Variants in CYRIB observed in about 807,000 individuals in gnomAD.
CYRIB encodes the protein CYFIP-related Rac1 interactor B.
A neutral mutation model predicts 44.2 loss-of-function variants in CYRIB; 8 were observed. The observed-to-expected ratio is 0.18, with a 90% CI of 0.11 to 0.33. The LOEUF (loss-of-function observed/expected upper bound fraction) is 0.33, where lower values mean the gene tolerates loss of function less well. Ranked by LOEUF, CYRIB falls within the 10% of genes least tolerant of loss-of-function variation. The pLI is 1.00. For missense variants in CYRIB, 185 were observed against 382.8 expected (o/e 0.48, Z 4.31); for synonymous variants, 131 against 127.2 (o/e 1.03, Z -0.20).
At chr8:129,943,079 A>ACCACCCACCCCC (rs1554688082), upstream of CYRIB, among the ~76,000 whole-genome samples, 6 of 113,120 alleles carry the variant, frequency 5.3e-5, no homozygotes, top group East Asian at 2.3e-4. Flanking sequence ...ACATTTTTGC[A>ACCACCCACCCCC]CCGCCCACCC....
At chr8:129,984,676 C>T (rs569083943) in intron 1 of CYRIB, among the ~76,000 whole-genome samples, 1 of 152,322 alleles carries the variant, frequency 6.6e-6, no homozygotes, top group East Asian at 1.9e-4. Flanking sequence ...ATTGCACACG[C>T]TAGGGCTTTA....
At chr8:129,974,984 A>T (rs2095856742) in intron 1 of CYRIB, among the ~76,000 whole-genome samples, 1 of 151,196 alleles carries the variant, frequency 6.6e-6, no homozygotes, top group African/African-American at 2.4e-5. Context: ...GGTTCAAGAG[A>T]TTCTTCTGCC....
chr8:130,004,188 G>C (rs2096976573), intron 1 of CYRIB, among the ~76,000 whole-genome samples: 1 of 152,096 alleles, frequency 6.6e-6, no homozygotes, highest in Non-Finnish European at 1.5e-5. Context: ...ACCCCCACTG[G>C]GTATCAAGAC....
rs760619852 is a variant in CYRIB, at chr8:129,873,030, T to C, written c.74-1534A>G. ...TAAACCTGCCAAATAGTCAAAAATA[T>C]ACCACATTTTTTTTAAAATTCAATA... is the stretch of plus-strand genomic sequence containing the variant. On this transcript the variant is annotated intron_variant, in intron 3 of 11. Transcript: ENST00000519824. 1.3e-3 allele frequency among the ~76,000 whole-genome samples: 197 copies of C among 151,988 alleles called. 2 individuals carry two copies. Among genetic ancestry groups the C allele is most frequent in the Non-Finnish European group, 2.7e-4 (18 of 67,852 alleles).
chr8:129,966,143 A>G (rs2095470259), intron 2 of CYRIB, among the ~76,000 whole-genome samples: 1 of 152,186 alleles, frequency 6.6e-6, no homozygotes, highest in Non-Finnish European at 1.5e-5. Context: ...GCATGAGCCA[A>G]TGCGCCCAGC....
At chr8:129,955,573 T>C (rs1332577276) in intron 2 of CYRIB, among the ~76,000 whole-genome samples, 1 of 152,218 alleles carries the variant, frequency 6.6e-6, no homozygotes, top group Non-Finnish European at 1.5e-5. Context: ...TCATTTTACC[T>C]TATGGTAACA....
intron 1 of CYRIB, among the ~76,000 whole-genome samples, chr8:129,912,156 T>C (rs935090551): frequency 2.0e-5 from 3 of 152,106 alleles, no homozygotes; most frequent in Non-Finnish European, 4.4e-5. Flanking sequence ...GAATGGTAAA[T>C]ACAAACAGAG....
At chr8:130,003,042 G>T (rs574281921) in intron 1 of CYRIB, among the ~76,000 whole-genome samples, 16 of 152,314 alleles carry the variant, frequency 1.1e-4, no homozygotes, top group African/African-American at 3.8e-4. Context: ...TACTCCAGAG[G>T]ATTCTGAAGA....
chr8:129,962,025 G>A (rs1211575099), intron 2 of CYRIB, among the ~76,000 whole-genome samples: 2 of 152,138 alleles, frequency 1.3e-5, no homozygotes, highest in African/African-American at 4.8e-5. Flanking sequence ...CGAGGTGGGA[G>A]GATGGCTTGA....
intron 1 of CYRIB, among the ~76,000 whole-genome samples, chr8:129,920,182 G>T (rs74325698): frequency 5.3e-5 from 8 of 151,082 alleles, no homozygotes; most frequent in African/African-American, 7.3e-5. Flanking sequence ...TTTAAAACAT[G>T]TAAGTCCAGC....
chr8:129,968,803 C>T (rs541374877), intron 2 of CYRIB, among the ~76,000 whole-genome samples: 15 of 152,168 alleles, frequency 9.9e-5, no homozygotes, highest in African/African-American at 3.4e-4. Context: ...CTCTATTTCT[C>T]CAAGTATTGA....
chr8:129,861,891 G>A (rs183885460), intron 5 of CYRIB, among the ~76,000 whole-genome samples: 3 of 152,118 alleles, frequency 2.0e-5, no homozygotes, highest in Non-Finnish European at 2.9e-5. Flanking sequence ...CATCGCTACA[G>A]TAAGTCCTTT....
chr8:129,989,488 C>T (rs2096567479), intron 1 of CYRIB, among the ~76,000 whole-genome samples: 1 of 152,198 alleles, frequency 6.6e-6, no homozygotes, highest in Admixed American at 6.5e-5. Flanking sequence ...GTAAGGGGCA[C>T]TCTGAGTCGT....
intron 1 of CYRIB, among the ~76,000 whole-genome samples, chr8:129,915,551 TA>T (rs1429727300): frequency 1.9e-4 from 29 of 152,166 alleles, no homozygotes; most frequent in Admixed American, 1.8e-3. Flanking sequence ...GACTGGCGTC[TA>T]GGGGCAGGTA....
chr8:129,910,248 C>T (rs2077261476), intron 1 of CYRIB, among the ~76,000 whole-genome samples: 1 of 152,218 alleles, frequency 6.6e-6, no homozygotes, highest in African/African-American at 2.4e-5. Flanking sequence ...GTCTGATACA[C>T]CCACAGGTGT....
chr8:129,855,433 G>T (rs1587375785), intron 6 of CYRIB, 178 bp downstream of exon 8: 2 of 561,864 alleles, frequency 3.6e-6, no homozygotes, highest in Non-Finnish European at 6.0e-6. Flanking sequence ...TCAGTAATTT[G>T]CTCTTTGCCA....
intron 2 of CYRIB, among the ~76,000 whole-genome samples, chr8:129,960,463 C>T (rs1275775609): frequency 2.6e-5 from 4 of 151,532 alleles, no homozygotes; most frequent in South Asian, 4.2e-4. Context: ...GGCATGGTGG[C>T]GGGCACCTGT....
chr8:129,943,528 G>A (rs1474000325), upstream of CYRIB, among the ~76,000 whole-genome samples: 1 of 150,880 alleles, frequency 6.6e-6, no homozygotes, highest in African/African-American at 2.4e-5. Flanking sequence ...CCAAGAGGCA[G>A]AGGTTGCAAT....
intron 1 of CYRIB, among the ~76,000 whole-genome samples, chr8:129,910,119 T>C (rs1239595562): frequency 4.6e-5 from 7 of 152,168 alleles, no homozygotes; most frequent in Admixed American, 2.0e-4. Flanking sequence ...GGTGCTAGTA[T>C]GGGTTTATGT....
Sources: gnomAD v4.1 joint callset for allele counts (sites outside exome capture counted in the v4.1 genomes callset) on GRCh38, gnomAD v4.1.1 for gene constraint, MANE v1.5 for transcripts, NCBI Gene and HGNC (gene_info 2026-07-23, HGNC 2026-07-21) for gene names.